Variants in MARS1 observed in about 807,000 individuals in gnomAD.
MARS1 encodes the protein methionine--tRNA ligase, cytoplasmic.
MARS1 carries 80 observed loss-of-function variants against 119.5 expected under a neutral mutation model. The ratio of observed to expected loss-of-function variants is 0.67; its 90% CI spans 0.56 to 0.81. MARS1 has a LOEUF of 0.81. Among genes scored for constraint, MARS1 ranks in the 30% least tolerant of loss-of-function variants. The probability of loss-of-function intolerance (pLI) is 0.00; values close to 1 mark genes in which losing one functional copy is unlikely to be tolerated. For missense variants in MARS1, 945 were observed against 1,116.5 expected (o/e 0.85, Z 2.19); for synonymous variants, 418 against 433.4 (o/e 0.96, Z 0.44).
At position 57,489,256 on chromosome 12, in the gene MARS1, T is replaced by A; in HGVS notation, c.201-11T>A. On this transcript the variant is annotated splice_polypyrimidine_tract_variant and intron_variant, in intron 2 of 20. Coordinates refer to ENST00000262027, the MANE Select transcript of MARS1 (RefSeq NM_004990.4). Reference sequence around the variant, plus strand: ...TCTAAGTCCATCATCTGTTGCTCTCTCTCTGGGCAGATATTTTTTTTTGTT... The same window carrying A: ...TCTAAGTCCATCATCTGTTGCTCTCACTCTGGGCAGATATTTTTTTTTGTT... 1 of 1,613,648 alleles carries A rather than the reference T, an allele frequency of 6.2e-7. No individual in the cohort carries two copies. The highest frequency in any genetic ancestry group is 8.5e-7 in the Non-Finnish European group (1 of 1,179,928).
chr12:57,504,206 C>G lies in MARS1; in HGVS notation c.1294-19C>G, dbSNP rs368800423. ...CTGGCCTGCAGGCCTGATCTGTCCT[C>G]TGGAATTTTCCTTCGCAGAAGCCTC... is the stretch of plus-strand genomic sequence containing the variant. On this transcript the variant is annotated intron_variant, in intron 10 of 20. Transcript: ENST00000262027. 10 of 1,605,874 alleles carry G rather than the reference C, an allele frequency of 6.2e-6. No individual in the cohort carries two copies. The African/African-American group carries it at 9.4e-5, about 15-fold the overall frequency.
rs139772690 is a variant in MARS1 at position 57,500,378 on chromosome 12, T to C, written c.1149T>C (p.Thr383=). The C allele has an allele frequency of 4.6e-5, 75 of 1,614,232 alleles. No homozygotes were observed. In the African/African-American group the frequency reaches 7.7e-4, roughly 17 times the overall value. ...AACGAGGTTTTGTGCTGCAAGATAC[T>C]GTGGAGCAACTGCGATGTGAGCACT... ...LLKRGFVLQD[T]VEQLRCEHCA... The change falls in exon 10 of 21, where the codon ACT becomes ACC. Residue 383 remains threonine, a synonymous_variant. Coordinates refer to ENST00000262027, the MANE Select transcript of MARS1 (RefSeq NM_004990.4).
chr12:57,488,166 G>A lies in MARS1; in HGVS notation c.76G>A (p.Ala26Thr), dbSNP rs1054647458. Residue 26 changes from alanine to threonine, a missense_variant, in exon 1 of 21, where the codon GCA becomes ACA. Coordinates refer to ENST00000262027, the MANE Select transcript of MARS1 (RefSeq NM_004990.4). ...CGCCGCCGGGAGAGCCCGGGGCAGA[G>A]CAGAGGTGCTCATCAGCACTGTAGG... ...LAAAGRARGR[A>T]EVLISTVGPE... The A allele has an allele frequency of 6.2e-7, 1 of 1,614,182 alleles. No individual in the cohort carries two copies. Among genetic ancestry groups the A allele is most frequent in the Non-Finnish European group, 8.5e-7 (1 of 1,180,034 alleles).
At chr12:57,503,313 A>G (rs564702437) in intron 10 of MARS1, among the ~76,000 whole-genome samples, 1 of 149,716 alleles carries the variant, frequency 6.7e-6, no homozygotes, top group East Asian at 2.0e-4. Flanking sequence ...AGCTCAGTGC[A>G]ATCTCCACCA....
chr12:57,515,184 A>G lies in MARS1; in HGVS notation c.2239A>G (p.Asn747Asp). ...AGGAACAGTGACTGGCTTGGCAGTG[A>G]ATATAGCTGCCTTGCTCTCTGTCAT... is the stretch of plus-strand genomic sequence containing the variant. ...RAGTVTGLAV[N>D]IAALLSVMLQ... Residue 747 changes from asparagine to aspartate, a missense_variant, in exon 18 of 21, where the codon AAT (asparagine) becomes GAT (aspartate). Coordinates refer to ENST00000262027, the MANE Select transcript of MARS1 (RefSeq NM_004990.4). The G allele has an allele frequency of 6.2e-7, 1 of 1,614,144 alleles. No individual in the cohort carries two copies. The highest frequency in any genetic ancestry group is 8.5e-7 in the Non-Finnish European group (1 of 1,180,020).
rs530379071 is a variant in MARS1, at chr12:57,508,272, A to T, written c.1369-3426A>T. On this transcript the variant is annotated intron_variant, in intron 11 of 20. Coordinates refer to ENST00000262027, the MANE Select transcript of MARS1 (RefSeq NM_004990.4). ...CCCAGACTGGGTGGCGGCACGGCAG[A>T]GGCTGCAATCTCGGCACTTTGGGAG... is the stretch of plus-strand genomic sequence containing the variant. Among the ~76,000 whole-genome samples the T allele has an allele frequency of 8.9e-4, 136 of 152,308 alleles. 1 individual carries two copies. Among genetic ancestry groups the T allele is most frequent in the Non-Finnish European group, 1.0e-3 (69 of 68,018 alleles).
At chr12:57,495,362 G>A (rs553018487) in intron 7 of MARS1, among the ~76,000 whole-genome samples, 5 of 152,120 alleles carry the variant, frequency 3.3e-5, no homozygotes, top group South Asian at 2.1e-4. Context: ...GATCCCAGAC[G>A]GGGTCGCGGC....
intron 7 of MARS1, among the ~76,000 whole-genome samples, chr12:57,492,885 G>C (rs1277603256): frequency 6.6e-6 from 1 of 152,126 alleles, no homozygotes; most frequent in Non-Finnish European, 1.5e-5. Flanking sequence ...AGGCTGGTCA[G>C]TCGGGGGCAC....
chr12:57,494,294 G>A (rs1876460361), intron 7 of MARS1, among the ~76,000 whole-genome samples: 1 of 146,456 alleles, frequency 6.8e-6, no homozygotes, highest in East Asian at 2.0e-4. Flanking sequence ...TGTGGATTCA[G>A]TTTAATACTA....
intron 10 of MARS1, among the ~76,000 whole-genome samples, chr12:57,500,733 C>T (rs1288494605): frequency 6.6e-6 from 1 of 152,238 alleles, no homozygotes. Context: ...AAGAAACAGA[C>T]AAGTTGAGTT....
intron 1 of MARS1, chr12:57,488,749 G>T: frequency 8.0e-7 from 1 of 1,245,038 alleles, no homozygotes; most frequent in Non-Finnish European, 1.1e-6. Flanking sequence ...CAGTCGTTAA[G>T]TTCTTGGCTG....
chr12:57,496,982 A>G (rs946457811), intron 7 of MARS1, among the ~76,000 whole-genome samples: 1 of 152,146 alleles, frequency 6.6e-6, no homozygotes, highest in African/African-American at 2.4e-5. Flanking sequence ...CAGTTACATA[A>G]TAGAATGTAA....
intron 7 of MARS1, among the ~76,000 whole-genome samples, chr12:57,493,848 A>G (rs866849405): frequency 2.1e-4 from 1 of 4,768 alleles, no homozygotes; most frequent in African/African-American, 2.4e-4. Flanking sequence ...ATAATATATA[A>G]TATATATATT....
chr12:57,489,698 C>T (rs1189623012), intron 4 of MARS1, 140 bp downstream of exon 4: 2 of 1,290,594 alleles, frequency 1.5e-6, no homozygotes, highest in Non-Finnish European at 2.2e-6. Flanking sequence ...TCTCTCTAAT[C>T]CTCAATTTTT....
intron 20 of MARS1, 30 bp from the exon 21 acceptor site, chr12:57,516,405 C>G (rs1426072589): frequency 6.2e-7 from 1 of 1,611,956 alleles, no homozygotes; most frequent in African/African-American, 1.3e-5. Flanking sequence ...TCTTGCCTCA[C>G]TGTTACCTCC....
chr12:57,496,884 C>G (rs2140015189), intron 7 of MARS1, among the ~76,000 whole-genome samples: 1 of 152,200 alleles, frequency 6.6e-6, no homozygotes, highest in East Asian at 1.9e-4. Flanking sequence ...ATCCTATGGG[C>G]AGACTAAGCT....
chr12:57,502,663 G>A (rs924683695), intron 10 of MARS1, among the ~76,000 whole-genome samples: 46 of 131,164 alleles, frequency 3.5e-4, no homozygotes, highest in Middle Eastern at 6.4e-3. Context: ...CTGAGATTAC[G>A]CTACTGCACT....
At chr12:57,496,421 C>G (rs985513228) in intron 7 of MARS1, among the ~76,000 whole-genome samples, 1 of 151,942 alleles carries the variant, frequency 6.6e-6, no homozygotes, top group South Asian at 2.1e-4. Flanking sequence ...CCTGAGCCTC[C>G]CAAAGTGCTG....
intron 11 of MARS1, among the ~76,000 whole-genome samples, chr12:57,504,534 A>G (rs1005355867): frequency 1.3e-5 from 2 of 152,040 alleles, no homozygotes; most frequent in African/African-American, 4.8e-5. Context: ...TGTCATATGC[A>G]TATAAAAGTA....
Sources: allele counts gnomAD v4.1 joint callset (sites outside exome capture counted in the v4.1 genomes callset), GRCh38; gene constraint gnomAD v4.1.1; transcripts MANE v1.5; gene names NCBI Gene and HGNC (gene_info 2026-07-23, HGNC 2026-07-21).